The following RBBP9 variants were observed in gnomAD, a reference collection of about 807,000 sequenced individuals.
The protein encoded by RBBP9 is RB binding protein 9, serine hydrolase.
Under a neutral mutation model 24.2 loss-of-function variants are expected in RBBP9, and 20 were observed. That is an observed-to-expected ratio of 0.83 (90% CI 0.58 to 1.20). The LOEUF (loss-of-function observed/expected upper bound fraction) is 1.20. Among genes scored for constraint, RBBP9 ranks in the 50% most tolerant of loss-of-function variants. RBBP9 has a pLI of 0.00. For missense variants in RBBP9, 234 were observed against 233.6 expected (o/e 1.00, Z -0.01); for synonymous variants, 74 against 84.6 (o/e 0.87, Z 0.69).
Position 18,497,113 on chromosome 20 carries a change from T to A in RBBP9, c.55A>T (p.Thr19Ser). The A allele has an allele frequency of 6.2e-7, 1 of 1,614,196 alleles. No homozygotes were observed. ...IVPGNGGGDVTTHGWYGWVKK... is the reference protein window; with the variant it reads ...IVPGNGGGDVSTHGWYGWVKK... ...ACCCAGCCATACCAGCCGTGGGTGGTCACATCCCCGCCTCCGTTCCCGGGA... is the reference window on the plus strand; with the variant it reads ...ACCCAGCCATACCAGCCGTGGGTGGACACATCCCCGCCTCCGTTCCCGGGA... The change falls in exon 1 of 5, where the codon ACC (threonine) becomes TCC (serine). Residue 19 changes from threonine (T) to serine (S), a missense_variant. Physicochemically the swap from Thr to Ser is moderately conservative, Grantham distance 58. Transcript: ENST00000337227.
At chr20:18,493,068 G>A (rs949724959) in intron 3 of RBBP9, among the ~76,000 whole-genome samples, 3 of 152,194 alleles carry the variant, frequency 2.0e-5, no homozygotes, top group Non-Finnish European at 2.9e-5. Context: ...CTAAGTGACT[G>A]CTTGGGACAA....
Position 18,495,888 on chromosome 20 carries a change from ATGAGGGGGG to A in RBBP9, c.100-17_100-9del. ...ACACTGGAAACCAGGTATCTATGAT[ATGAGGGGGG>A]AGAAAAAGCTATAATAAAGAGCTTA... On this transcript the variant is annotated splice_polypyrimidine_tract_variant and intron_variant, in intron 1 of 4. Transcript: ENST00000337227. 6.5e-7 allele frequency: 1 copy of A among 1,534,782 alleles called. No individual in the cohort carries two copies. Among genetic ancestry groups the A allele is most frequent in the Non-Finnish European group, 8.9e-7 (1 of 1,124,054 alleles).
intron 3 of RBBP9, among the ~76,000 whole-genome samples, chr20:18,492,564 T>C (rs1255520619): frequency 6.6e-6 from 1 of 152,198 alleles, no homozygotes; most frequent in Admixed American, 6.5e-5. Flanking sequence ...CAGTCTATTA[T>C]TGGTGAGATT....
At chr20:18,496,023 A>G (rs1488732424) in intron 1 of RBBP9, 143 bp from the exon 2 acceptor site, 2 of 698,860 alleles carry the variant, frequency 2.9e-6, no homozygotes, top group Non-Finnish European at 4.7e-6. Flanking sequence ...TTAAGTGACC[A>G]TCTTTTCGCA....
At chr20:18,495,277 T>G (rs967640819) in intron 2 of RBBP9, among the ~76,000 whole-genome samples, 5 of 146,106 alleles carry the variant, frequency 3.4e-5, no homozygotes, top group Non-Finnish European at 7.5e-5. Flanking sequence ...CCTGTTGATC[T>G]GTGACCTTAC....
rs1248513364 is a variant in RBBP9, at chr20:18,486,781, T to C, written c.*2983A>G. On this transcript the variant is annotated 3_prime_UTR_variant, in exon 5 of 5. Coordinates refer to ENST00000337227, the MANE Select transcript of RBBP9 (RefSeq NM_006606.3). ...ATTCGGTATTTTGCTCACCTGAGAA[T>C]AGATACTCCCCAGAGTGTATAGAGG... The C allele has an allele frequency of 1.3e-5, 2 of 152,150 alleles. No individual in the cohort carries two copies. Among genetic ancestry groups the C allele is most frequent in the Non-Finnish European group, 2.9e-5 (2 of 68,014 alleles). The allele number at this position is 152,150 out of a possible 1,614,324, so 9.4% of individuals were successfully genotyped here. A position where few individuals can be genotyped will look rare whatever the true frequency, so the allele number is the denominator to read the frequency against.
intron 3 of RBBP9, among the ~76,000 whole-genome samples, chr20:18,492,371 A>T (rs2059869445): frequency 6.6e-6 from 1 of 152,072 alleles, no homozygotes; most frequent in African/African-American, 2.4e-5. Flanking sequence ...TCACTTTAAA[A>T]TTTTTTTGTT....
chr20:18,493,860 T>C, intron 3 of RBBP9, 98 bp downstream of exon 3: 1 of 946,554 alleles, frequency 1.1e-6, no homozygotes, highest in Non-Finnish European at 1.6e-6. Context: ...GTCAGCACTG[T>C]TTCCTCTGCA....
intron 4 of RBBP9, 72 bp downstream of exon 4, chr20:18,490,323 G>A: frequency 1.6e-6 from 2 of 1,247,008 alleles, no homozygotes; most frequent in East Asian, 2.3e-5. Flanking sequence ...AGACAGCACT[G>A]TTTTTACAAC....
chr20:18,489,982 T>C lies in RBBP9; in HGVS notation c.343A>G (p.Thr115Ala). 1.9e-6 allele frequency: 3 copies of C among 1,600,658 alleles called. No individual in the cohort carries two copies. The highest frequency in any genetic ancestry group is 2.6e-6 in the Non-Finnish European group (3 of 1,169,484). Residue 115 changes from threonine to alanine, a missense_variant, in exon 5 of 5, where the codon ACC (threonine) becomes GCC (alanine). By Grantham distance (58) the Thr-to-Ala change is moderately conservative (BLOSUM62 0). Coordinates refer to ENST00000337227, the MANE Select transcript of RBBP9 (RefSeq NM_006606.3). Reference sequence around the variant, plus strand: ...ATCTTCTCCCACTGCCAGGGGCGGGTGAAGTATCCTATGGGGAAAAAAAAA... The same window carrying C: ...ATCTTCTCCCACTGCCAGGGGCGGGCGAAGTATCCTATGGGGAAAAAAAAA... Reference protein sequence around the residue: ...DENERASGYFTRPWQWEKIKA... With the variant: ...DENERASGYFARPWQWEKIKA...
At position 18,489,666 on chromosome 20, in the gene RBBP9, C is replaced by A. The variant is rs142878404; in HGVS notation, c.*98G>T. 1 of 754,342 alleles carries A rather than the reference C, an allele frequency of 1.3e-6. No individual in the cohort carries two copies. The highest frequency in any genetic ancestry group is 1.8e-5 in the African/African-American group (1 of 56,906). 46.7% of individuals were successfully genotyped at this position (754,342 alleles called of 1,614,324 possible). On this transcript the variant is annotated 3_prime_UTR_variant, in exon 5 of 5. Transcript: ENST00000337227. ...CTTGTGTTTGTTTTTCAGGCACTTACGGAACTTAACTGGATGTTCTATGTG... is the reference window on the plus strand; with the variant it reads ...CTTGTGTTTGTTTTTCAGGCACTTAAGGAACTTAACTGGATGTTCTATGTG...
chr20:18,491,914 T>C (rs976515115), intron 3 of RBBP9, among the ~76,000 whole-genome samples: 3 of 151,800 alleles, frequency 2.0e-5, no homozygotes, highest in African/African-American at 7.3e-5. Context: ...CTGACCAATA[T>C]GGTGAAGCCC....
rs7262655 is a variant in RBBP9 at position 18,494,317 on chromosome 20, G to C, written c.143-254C>G. On this transcript the variant is annotated intron_variant, in intron 2 of 4. Transcript: ENST00000337227. ...TTTTTTTTTGGTTTACCATGTTCTT[G>C]TAAGAAAATACTAAGGAAATAATAA... Among the ~76,000 whole-genome samples, 937 of 99,774 alleles carry C rather than the reference G, an allele frequency of 9.4e-3. 16 individuals carry two copies. The highest frequency in any genetic ancestry group is 0.036 in the African/African-American group (882 of 24,686). 65.5% of individuals were successfully genotyped at this position (99,774 alleles called of 152,430 possible).
At chr20:18,492,204 T>C (rs532930212) in intron 3 of RBBP9, among the ~76,000 whole-genome samples, 121 of 151,876 alleles carry the variant, frequency 8.0e-4, no homozygotes, top group African/African-American at 2.5e-3. Flanking sequence ...CCCTTAACCA[T>C]GGTACCACTA....
chr20:18,495,735 C>T (rs1049802688), intron 2 of RBBP9, 103 bp downstream of exon 2: 2 of 1,094,592 alleles, frequency 1.8e-6, no homozygotes, highest in Non-Finnish European at 2.8e-6. Context: ...GGTATATAGG[C>T]ATCTTTGGTT....
intron 1 of RBBP9, among the ~76,000 whole-genome samples, chr20:18,496,496 AG>A (rs1450321979): frequency 6.6e-6 from 1 of 152,254 alleles, no homozygotes; most frequent in African/African-American, 2.4e-5. Flanking sequence ...GTTGTTTAAA[AG>A]GTATATTCAT....
At position 18,487,333 on chromosome 20, in the gene RBBP9, ATTTAGT is replaced by A. The variant is rs1201329989; in HGVS notation, c.*2425_*2430del. 6.6e-6 allele frequency: 1 copy of A among 152,222 alleles called. No homozygotes were observed. The allele number at this position is 152,222 out of a possible 1,614,324, so 9.4% of individuals were successfully genotyped here. On this transcript the variant is annotated 3_prime_UTR_variant, in exon 5 of 5. Transcript: ENST00000337227. The stretch of plus-strand genomic sequence containing the variant: ...TCAGAATTATTTCTCAATTATATAT[ATTTAGT>A]TTTCATTTCTACAGAGAAAGAGGTC...
rs2059856368 is a variant in RBBP9 at position 18,489,576 on chromosome 20, T to G, written c.*188A>C. 1.9e-6 allele frequency: 1 copy of G among 527,950 alleles called. No homozygotes were observed. The allele number at this position is 527,950 out of a possible 1,614,324, so 32.7% of individuals were successfully genotyped here. On this transcript the variant is annotated 3_prime_UTR_variant, in exon 5 of 5. Coordinates refer to ENST00000337227, the MANE Select transcript of RBBP9 (RefSeq NM_006606.3). ...AAAATACTGTGGTAGTTCATAGCAA[T>G]TTGGGGAGTTTTAGAGTCTATGGAA...
In RBBP9 at chr20:18,488,624, TC is replaced by T. The variant is rs1287684501; in HGVS notation, c.*1139del. 1 of 152,200 alleles carries T rather than the reference TC, an allele frequency of 6.6e-6. No homozygotes were observed. Among genetic ancestry groups the T allele is most frequent in the East Asian group, 1.9e-4 (1 of 5,202 alleles). The allele number at this position is 152,200 out of a possible 1,614,324, so 9.4% of individuals were successfully genotyped here. A position where few individuals can be genotyped will look rare whatever the true frequency, so the allele number is the denominator to read the frequency against. ...GAAAATGGAATGTGCTTGAAAGAGA[TC>T]TAAAGGGCCATGGAAGTTAAAAGGT... is the stretch of plus-strand genomic sequence containing the variant. On this transcript the variant is annotated 3_prime_UTR_variant, in exon 5 of 5. Transcript: ENST00000337227.
Sources: gnomAD v4.1 joint callset for allele counts (sites outside exome capture counted in the v4.1 genomes callset) on GRCh38, gnomAD v4.1.1 for gene constraint, MANE v1.5 for transcripts, NCBI Gene and HGNC (gene_info 2026-07-23, HGNC 2026-07-21) for gene names.